Variants in CARD6 observed in about 807,000 individuals in gnomAD.
The protein encoded by CARD6 is caspase recruitment domain-containing protein 6.
In CARD6, 27 loss-of-function variants were observed where a neutral mutation model predicts 23.6. The ratio of observed to expected loss-of-function variants is 1.14; its 90% CI spans 0.84 to 1.58. The LOEUF is 1.58. CARD6 is among the 40% of genes most tolerant of loss of function. The pLI is 0.00. For missense variants in CARD6, 1,214 were observed against 1,209.9 expected (o/e 1.00, Z -0.05); for synonymous variants, 397 against 431.8 (o/e 0.92, Z 1.00).
Position 40,847,145 on chromosome 5 carries a change from C to G in CARD6, c.841+3436C>G, listed in dbSNP as rs536464428. On this transcript the variant is annotated intron_variant, in intron 2 of 2. Transcript: ENST00000254691. ...CATCCACTCTAGTTGACTGGAGGCA[C>G]GTGGCTATTCTTTGTTTCTTTCCCA... is the stretch of plus-strand genomic sequence containing the variant. 5.3e-3 allele frequency among the ~76,000 whole-genome samples: 812 copies of G among 152,254 alleles called. 4 individuals are homozygous for G. Among genetic ancestry groups the G allele is most frequent in the Non-Finnish European group, 7.7e-3 (524 of 68,004 alleles).
Position 40,843,595 on chromosome 5 carries a change from G to A in CARD6, c.727G>A (p.Gly243Ser), listed in dbSNP as rs1489911826. 3 of 1,608,550 alleles carry A rather than the reference G, an allele frequency of 1.9e-6. No homozygotes were observed. The highest frequency in any genetic ancestry group is 2.5e-6 in the Non-Finnish European group (3 of 1,178,656). ...TGACCCAGAGCACGTTGGATATGAT[G>A]GTGAAGAGGACTTCGAGAATTCAGA... is the stretch of plus-strand genomic sequence containing the variant. ...YDDPEHVGYD[G>S]EEDFENSETT... The change falls in exon 2 of 3, where the codon GGT becomes AGT. Residue 243 changes from glycine (G) to serine (S), a missense_variant. Gly to Ser is a moderately conservative substitution (Grantham distance 56). Transcript: ENST00000254691.
At chr5:40,850,554 T>C (rs972533248) in intron 2 of CARD6, among the ~76,000 whole-genome samples, 1 of 110,624 alleles carries the variant, frequency 9.0e-6, no homozygotes, top group Admixed American at 9.6e-5. Flanking sequence ...TCTACTAAAA[T>C]ACAAAAAAAA....
Position 40,843,728 on chromosome 5 carries a change from T to G in CARD6, c.841+19T>G. 2 of 1,464,544 alleles carry G rather than the reference T, an allele frequency of 1.4e-6. No individual in the cohort carries two copies. Among genetic ancestry groups the G allele is most frequent in the Non-Finnish European group, 1.8e-6 (2 of 1,101,312 alleles). 90.7% of individuals were successfully genotyped at this position (1,464,544 alleles called of 1,614,324 possible). ...ATAGAAGGTATGGAAATATCTTGTA[T>G]AGTTAGTTAGGCAACAACTTAATAA... On this transcript the variant is annotated intron_variant, in intron 2 of 2. Transcript: ENST00000254691.
At chr5:40,842,891 A>T (rs1745886986) in intron 1 of CARD6, among the ~76,000 whole-genome samples, 1 of 152,144 alleles carries the variant, frequency 6.6e-6, no homozygotes, top group South Asian at 2.1e-4. Context: ...TACAAAAATT[A>T]GCTGGGCATC....
rs552345162 is a variant in CARD6 at position 40,846,115 on chromosome 5, C to T, written c.841+2406C>T. On this transcript the variant is annotated intron_variant, in intron 2 of 2. Coordinates refer to ENST00000254691, the MANE Select transcript of CARD6 (RefSeq NM_032587.4). ...GCAACCTCTGCCTCCTGGGTTCAAGCGATTCTCCTGCCTCAGCCTCCTGAG... is the reference window on the plus strand; with the variant it reads ...GCAACCTCTGCCTCCTGGGTTCAAGTGATTCTCCTGCCTCAGCCTCCTGAG... Among the ~76,000 whole-genome samples the T allele has an allele frequency of 7.3e-5, 11 of 151,638 alleles. No individual in the cohort carries two copies. The South Asian group carries it at 1.7e-3, about 23-fold the overall frequency.
At position 40,853,942 on chromosome 5, in the gene CARD6, A is replaced by T. The variant is rs1251043987; in HGVS notation, c.2610A>T (p.Gln870His). Reference protein sequence around the residue: ...ARAVGKPWPQQACTRVTELTE... With the variant: ...ARAVGKPWPQHACTRVTELTE... ...CAGTAGGGAAGCCATGGCCTCAGCA[A>T]GCTTGCACCAGGGTAACAGAGTTAA... The change falls in exon 3 of 3, where the codon CAA (glutamine) becomes CAT (histidine). Residue 870 changes from glutamine to histidine, a missense_variant. Transcript: ENST00000254691. 1 of 1,614,170 alleles carries T rather than the reference A, an allele frequency of 6.2e-7. No homozygotes were observed. Among genetic ancestry groups the T allele is most frequent in the East Asian group, 2.2e-5 (1 of 44,876 alleles).
At chr5:40,846,215 G>A (rs1745964478) in intron 2 of CARD6, among the ~76,000 whole-genome samples, 1 of 151,984 alleles carries the variant, frequency 6.6e-6, no homozygotes, top group Non-Finnish European at 1.5e-5. Flanking sequence ...GTTTCACCAT[G>A]TTGGCCAGGC....
chr5:40,853,617 G>C lies in CARD6; in HGVS notation c.2285G>C (p.Arg762Thr). 6.2e-7 allele frequency: 1 copy of C among 1,614,236 alleles called. No homozygotes were observed. Among genetic ancestry groups the C allele is most frequent in the East Asian group, 2.2e-5 (1 of 44,888 alleles). ...VMGRPFGSEQ[R>T]PKWFHPLPFQ... ...GGCCGCCCCTTTGGGTCAGAGCAGA[G>C]GCCTAAGTGGTTCCATCCTTTGCCT... The change falls in exon 3 of 3, where the codon AGG (arginine) becomes ACG (threonine). Residue 762 changes from arginine to threonine, a missense_variant. Arg to Thr is a moderately conservative substitution (Grantham distance 71). Coordinates refer to ENST00000254691, the MANE Select transcript of CARD6 (RefSeq NM_032587.4).
chr5:40,848,657 A>T (rs866116543), intron 2 of CARD6, among the ~76,000 whole-genome samples: 5 of 151,402 alleles, frequency 3.3e-5, no homozygotes, highest in Admixed American at 1.3e-4. Flanking sequence ...GGTCATAGAG[A>T]CTCTAGATTG....
In CARD6 at chr5:40,853,497, C is replaced by T; in HGVS notation, c.2165C>T (p.Pro722Leu). The change falls in exon 3 of 3, where the codon CCA (proline) becomes CTA (leucine). Residue 722 changes from proline to leucine, a missense_variant. Transcript: ENST00000254691. ...AATCTTCAGAATCTCTATGGTACCC[C>T]AGTATTCAGGCCTGTTCTAGAGAAC... is the stretch of plus-strand genomic sequence containing the variant. ...SQNLQNLYGT[P>L]VFRPVLENSW... 6.2e-7 allele frequency: 1 copy of T among 1,614,160 alleles called. No individual in the cohort carries two copies. The highest frequency in any genetic ancestry group is 8.5e-7 in the Non-Finnish European group (1 of 1,180,018).
At chr5:40,852,043 T>G (rs1746074712) in intron 2 of CARD6, 131 bp from the exon 3 acceptor site, 3 of 619,414 alleles carry the variant, frequency 4.8e-6, no homozygotes, top group Non-Finnish European at 2.9e-6. Context: ...TAGGATTGCT[T>G]GAGCCCAGGG....
rs1746141047 is a variant in CARD6 at position 40,854,084 on chromosome 5, A to G, written c.2752A>G (p.Met918Val). The G allele has an allele frequency of 1.9e-6, 3 of 1,614,210 alleles. No homozygotes were observed. In the East Asian group the frequency reaches 6.7e-5, roughly 36 times the overall value. Reference protein sequence around the residue: ...LRPASQQGVQMKTQGGASNPA... With the variant: ...LRPASQQGVQVKTQGGASNPA... ...ACCTGCTTCTCAGCAAGGAGTCCAG[A>G]TGAAGACACAAGGTGGGGCTTCAAA... The change falls in exon 3 of 3, where the codon ATG becomes GTG. Residue 918 changes from methionine to valine, a missense_variant. Met to Val is a conservative substitution (Grantham distance 21). Coordinates refer to ENST00000254691, the MANE Select transcript of CARD6 (RefSeq NM_032587.4).
intron 2 of CARD6, among the ~76,000 whole-genome samples, chr5:40,851,335 A>T (rs972394528): frequency 6.6e-6 from 1 of 152,024 alleles, no homozygotes; most frequent in Non-Finnish European, 1.5e-5. Flanking sequence ...CATCTAAAAA[A>T]AAAAAATAGA....
Position 40,843,186 on chromosome 5 carries a change from A to G in CARD6, c.318A>G (p.Gln106=). The G allele has an allele frequency of 6.2e-7, 1 of 1,609,452 alleles. No homozygotes were observed. The highest frequency in any genetic ancestry group is 1.7e-5 in the Admixed American group (1 of 58,588). The change falls in exon 2 of 3, where the codon CAA becomes CAG. Residue 106 remains glutamine (Q), a synonymous_variant. Coordinates refer to ENST00000254691, the MANE Select transcript of CARD6 (RefSeq NM_032587.4). ...AACATGAGAATACAGTACCTCCTCA[A>G]TCTATGGGGGCAAGCAGTAATTCAG... ...VLKHENTVPP[Q]SMGASSNSED...
rs1235713495 is a variant in CARD6 at position 40,843,024 on chromosome 5, G to A, written c.284-128G>A. The A allele has an allele frequency of 6.0e-6, 4 of 671,040 alleles. No individual in the cohort carries two copies. The East Asian group carries it at 1.1e-4, about 19-fold the overall frequency. 41.6% of individuals were successfully genotyped at this position (671,040 alleles called of 1,614,324 possible). Reference sequence around the variant, plus strand: ...TTGCACTCCAGCCTCGGCAACAAGAGTGAAACTCTGTCTCAAAAAATAAAT... The same window carrying A: ...TTGCACTCCAGCCTCGGCAACAAGAATGAAACTCTGTCTCAAAAAATAAAT... On this transcript the variant is annotated intron_variant, in intron 1 of 2. Coordinates refer to ENST00000254691, the MANE Select transcript of CARD6 (RefSeq NM_032587.4).
intron 2 of CARD6, among the ~76,000 whole-genome samples, chr5:40,850,161 T>A (rs1448218977): frequency 6.6e-6 from 1 of 151,986 alleles, no homozygotes; most frequent in Admixed American, 6.6e-5. Flanking sequence ...ACGCCTGTAA[T>A]CCCAGGACTT....
At position 40,853,676 on chromosome 5, in the gene CARD6, A is replaced by T. The variant is rs1746126629; in HGVS notation, c.2344A>T (p.Ser782Cys). The change falls in exon 3 of 3, where the codon AGT becomes TGT. Residue 782 changes from serine to cysteine, a missense_variant. Transcript: ENST00000254691. The stretch of plus-strand genomic sequence containing the variant: ...TGCAGGGGCCCAGGGCCGAGGTAAA[A>T]GTTTTGGTATTCAATCCTTCCATCC... Reference protein sequence around the residue: ...QNAGAQGRGKSFGIQSFHPQI... With the variant: ...QNAGAQGRGKCFGIQSFHPQI... 2 of 1,614,208 alleles carry T rather than the reference A, an allele frequency of 1.2e-6. No individual in the cohort carries two copies. Among genetic ancestry groups the T allele is most frequent in the Non-Finnish European group, 1.7e-6 (2 of 1,180,044 alleles).
chr5:40,852,578 A>G lies in CARD6; in HGVS notation c.1246A>G (p.Lys416Glu), dbSNP rs143505234. 6.9e-5 allele frequency: 111 copies of G among 1,614,228 alleles called. No homozygotes were observed. The highest frequency in any genetic ancestry group is 9.2e-5 in the Non-Finnish European group (108 of 1,180,044). The part of the protein sequence containing the change: ...PLLLPDAENN[K>E]SILMLGAMKD... ...GCTACTGCCAGATGCAGAAAACAAC[A>G]AAAGCATCTTAATGCTGGGGGCCAT... is the stretch of plus-strand genomic sequence containing the variant. The change falls in exon 3 of 3, where the codon AAA becomes GAA. Residue 416 changes from lysine (K) to glutamate (E), a missense_variant. Lys to Glu is a moderately conservative substitution (Grantham distance 56, BLOSUM62 1). Coordinates refer to ENST00000254691, the MANE Select transcript of CARD6 (RefSeq NM_032587.4).
At chr5:40,851,062 G>C (rs770074956) in intron 2 of CARD6, among the ~76,000 whole-genome samples, 1 of 152,044 alleles carries the variant, frequency 6.6e-6, no homozygotes, top group African/African-American at 2.4e-5. Flanking sequence ...GGCTGGGCAC[G>C]GTGGCTCATG....
Sources: gnomAD v4.1 joint callset for allele counts (sites outside exome capture counted in the v4.1 genomes callset) on GRCh38, gnomAD v4.1.1 for gene constraint, MANE v1.5 for transcripts, NCBI Gene and HGNC (gene_info 2026-07-23, HGNC 2026-07-21) for gene names.